The following TMEFF2 variants were observed in gnomAD, a reference collection of about 807,000 sequenced individuals.
TMEFF2 encodes transmembrane protein with EGF like and two follistatin like domains 2, also known as tomoregulin-2.
TMEFF2 carries 28 observed loss-of-function variants against 53.8 expected under a neutral mutation model. The ratio of observed to expected loss-of-function variants is 0.52; its 90% CI spans 0.39 to 0.71. The LOEUF (loss-of-function observed/expected upper bound fraction) is 0.71, where lower values mean the gene tolerates loss of function less well. Among genes scored for constraint, TMEFF2 ranks in the 30% least tolerant of loss-of-function variants. The pLI is 0.00. For missense variants in TMEFF2, 353 were observed against 455.2 expected, an observed-to-expected ratio of 0.78 and a Z score of 2.04; for synonymous variants, 162 against 166.3, an observed-to-expected ratio of 0.97 and a Z score of 0.20.
intron 7 of TMEFF2, among the ~76,000 whole-genome samples, chr2:191,997,755 A>G (rs1686257883): frequency 6.6e-6 from 1 of 151,796 alleles, no homozygotes; most frequent in Non-Finnish European, 1.5e-5. Context: ...TTTTAGTTTC[A>G]AAATAAGTTA....
rs1171607274 is a variant in TMEFF2, at chr2:192,012,095, A to G, written c.537-12887T>C. ...ATTTTTTGTATTTTTAGTAGAGACC[A>G]GGGTTCACTGTGTTAGCCAGGATGG... On this transcript the variant is annotated intron_variant, in intron 5 of 9. Transcript: ENST00000272771. Among the ~76,000 whole-genome samples, 5 of 152,016 alleles carry G rather than the reference A, an allele frequency of 3.3e-5. No individual in the cohort carries two copies. In the South Asian group the frequency reaches 6.2e-4, roughly 19 times the overall value.
intron 4 of TMEFF2, among the ~76,000 whole-genome samples, chr2:192,098,708 T>A (rs1283933872): frequency 6.6e-6 from 1 of 152,146 alleles, no homozygotes; most frequent in Admixed American, 6.6e-5. Context: ...TCCTGAAGAT[T>A]TTCTCTCCTG....
At chr2:192,086,960 A>T (rs1688681904) in intron 4 of TMEFF2, among the ~76,000 whole-genome samples, 1 of 151,836 alleles carries the variant, frequency 6.6e-6, no homozygotes, top group Admixed American at 6.6e-5. Context: ...TCTTTTCAAC[A>T]TTAAAAAATT....
chr2:192,041,819 C>A (rs143015249), intron 5 of TMEFF2, among the ~76,000 whole-genome samples: 1 of 152,054 alleles, frequency 6.6e-6, no homozygotes, highest in Non-Finnish European at 1.5e-5. Context: ...GGGGGATCAG[C>A]GGGTCAGTAA....
intron 4 of TMEFF2, among the ~76,000 whole-genome samples, chr2:192,069,886 A>G (rs1469387983): frequency 4.6e-5 from 7 of 151,014 alleles, no homozygotes; most frequent in Non-Finnish European, 7.4e-5. Context: ...TGGACCTTCT[A>G]TTTTTAAACG....
At chr2:192,094,163 A>G (rs185276874) in intron 4 of TMEFF2, among the ~76,000 whole-genome samples, 2 of 152,302 alleles carry the variant, frequency 1.3e-5, no homozygotes, top group East Asian at 3.9e-4. Flanking sequence ...AAAAGGAGAA[A>G]TGTTGAGATA....
At chr2:192,184,526 T>C (rs767054076) in intron 2 of TMEFF2, 43 bp from the exon 3 acceptor site, 8 of 1,608,102 alleles carry the variant, frequency 5.0e-6, no homozygotes, top group Non-Finnish European at 6.8e-6. Context: ...GTACTGGAGA[T>C]TGTATCCCTC....
chr2:191,988,040 T>A (rs1484136464), intron 7 of TMEFF2, among the ~76,000 whole-genome samples: 1 of 152,178 alleles, frequency 6.6e-6, no homozygotes, highest in Non-Finnish European at 1.5e-5. Flanking sequence ...ATGGCTAAGA[T>A]GAACAGCTCG....
At chr2:192,013,742 C>T (rs1389827415) in intron 5 of TMEFF2, among the ~76,000 whole-genome samples, 3 of 152,192 alleles carry the variant, frequency 2.0e-5, no homozygotes, top group Non-Finnish European at 4.4e-5. Context: ...TGAACCACTG[C>T]ACCTGGCCCA....
At chr2:192,022,291 C>T (rs940221231) in intron 5 of TMEFF2, among the ~76,000 whole-genome samples, 1 of 152,174 alleles carries the variant, frequency 6.6e-6, no homozygotes, top group South Asian at 2.1e-4. Context: ...AGGTCATCCT[C>T]ATCATTGAAG....
chr2:192,072,010 A>G (rs1688304022), intron 4 of TMEFF2, among the ~76,000 whole-genome samples: 1 of 151,940 alleles, frequency 6.6e-6, no homozygotes, highest in African/African-American at 2.4e-5. Context: ...AATAAGAAGC[A>G]GTTTATTGGG....
At chr2:192,100,913 G>C (rs1689018019) in intron 4 of TMEFF2, among the ~76,000 whole-genome samples, 2 of 152,020 alleles carry the variant, frequency 1.3e-5, no homozygotes, top group South Asian at 4.2e-4. Context: ...CAACTTATTT[G>C]CACAAATTTT....
intron 4 of TMEFF2, among the ~76,000 whole-genome samples, chr2:192,159,971 T>C (rs1405866166): frequency 6.6e-6 from 1 of 152,202 alleles, no homozygotes; most frequent in East Asian, 1.9e-4. Context: ...TGATAATTAC[T>C]GGGTTACCAT....
chr2:191,994,385 A>T (rs1234361601), intron 7 of TMEFF2, among the ~76,000 whole-genome samples: 1 of 151,850 alleles, frequency 6.6e-6, no homozygotes, highest in Non-Finnish European at 1.5e-5. Context: ...TTTATAAAAT[A>T]TCTAACAACT....
chr2:191,961,395 A>G (rs1354278661), intron 7 of TMEFF2, among the ~76,000 whole-genome samples: 2 of 152,044 alleles, frequency 1.3e-5, no homozygotes, highest in African/African-American at 4.8e-5. Flanking sequence ...AAAAATTTTC[A>G]GTTTTGAATG....
chr2:192,044,288 C>T (rs1034828537), intron 5 of TMEFF2: 2 of 152,126 alleles, frequency 1.3e-5, no homozygotes, highest in Non-Finnish European at 2.9e-5. Context: ...GAAGTAGCAA[C>T]TACTCTATAG....
At chr2:192,047,196 C>T (rs890143230) in intron 5 of TMEFF2, among the ~76,000 whole-genome samples, 12 of 152,358 alleles carry the variant, frequency 7.9e-5, no homozygotes, top group Admixed American at 5.9e-4. Flanking sequence ...GCTTGGATTA[C>T]AGGCATGAGC....
rs150798843 is a variant in TMEFF2 at position 192,014,035 on chromosome 2, T to C, written c.537-14827A>G. 2.6e-3 allele frequency among the ~76,000 whole-genome samples: 398 copies of C among 152,366 alleles called. 2 individuals carry two copies. The highest frequency in any genetic ancestry group is 8.9e-3 in the African/African-American group (369 of 41,588). ...GTTTTGCTCCAATTATCAAAAAGTA[T>C]TAGTTCATTTATACATATGATAAAT... is the stretch of plus-strand genomic sequence containing the variant. On this transcript the variant is annotated intron_variant, in intron 5 of 9. Coordinates refer to ENST00000272771, the MANE Select transcript of TMEFF2 (RefSeq NM_016192.4).
intron 7 of TMEFF2, among the ~76,000 whole-genome samples, chr2:191,990,763 G>GTT (rs111465014): frequency 7.4e-6 from 1 of 134,628 alleles, no homozygotes; most frequent in Admixed American, 7.3e-5. Flanking sequence ...CTCTTTGCGG[G>GTT]GTGTGTGTGT....
Sources: allele counts gnomAD v4.1 joint callset (sites outside exome capture counted in the v4.1 genomes callset), GRCh38; gene constraint gnomAD v4.1.1; transcripts MANE v1.5; gene names NCBI Gene and HGNC (gene_info 2026-07-23, HGNC 2026-07-21).